UBE2E2: variants seen among roughly 807,000 people sequenced by gnomAD.
UBE2E2 encodes the protein ubiquitin conjugating enzyme E2 E2.
UBE2E2 carries 6 observed loss-of-function variants against 24.7 expected under a neutral mutation model. The observed-to-expected ratio is 0.24, with a 90% CI of 0.13 to 0.48. The LOEUF (loss-of-function observed/expected upper bound fraction) is 0.48. UBE2E2 is among the 20% of genes least tolerant of loss of function. UBE2E2 has a pLI of 0.99. For synonymous variants in UBE2E2, 104 were observed against 83.6 expected (o/e 1.24, Z -1.33); for missense variants, 169 against 245.0 (o/e 0.69, Z 2.07).
intron 3 of UBE2E2, among the ~76,000 whole-genome samples, chr3:23,443,595 A>G (rs548888501): frequency 3.9e-5 from 6 of 152,160 alleles, no homozygotes; most frequent in East Asian, 1.9e-4. Context: ...GGGGAATCCA[A>G]AGCAGCGTCA....
chr3:23,263,112 A>G (rs897613001), intron 3 of UBE2E2, among the ~76,000 whole-genome samples: 8 of 152,200 alleles, frequency 5.3e-5, no homozygotes, highest in African/African-American at 1.9e-4. Context: ...CTTAGCTGAG[A>G]TGGAGAGCAT....
intron 3 of UBE2E2, among the ~76,000 whole-genome samples, chr3:23,454,759 A>G (rs763175045): frequency 6.6e-6 from 1 of 152,186 alleles, no homozygotes; most frequent in Admixed American, 6.5e-5. Flanking sequence ...ATGCCATACT[A>G]TTTTTTGATA....
At chr3:23,385,626 A>G (rs1199584078) in intron 3 of UBE2E2, among the ~76,000 whole-genome samples, 1 of 152,178 alleles carries the variant, frequency 6.6e-6, no homozygotes, top group East Asian at 1.9e-4. Flanking sequence ...GCAGAGCCAA[A>G]TCTCATTTCC....
At chr3:23,509,784 G>A (rs1475343133) in intron 4 of UBE2E2, among the ~76,000 whole-genome samples, 2 of 130,802 alleles carry the variant, frequency 1.5e-5, no homozygotes, top group Non-Finnish European at 3.0e-5. Context: ...GTGTCCAAAT[G>A]TTCTCATTGT....
chr3:23,573,863 G>C (rs1441042729), intron 5 of UBE2E2, among the ~76,000 whole-genome samples: 1 of 151,912 alleles, frequency 6.6e-6, no homozygotes, highest in Non-Finnish European at 1.5e-5. Context: ...CCTTTTTCTT[G>C]AATAGTAACA....
chr3:23,395,039 T>C (rs1397380550), intron 3 of UBE2E2, among the ~76,000 whole-genome samples: 1 of 152,134 alleles, frequency 6.6e-6, no homozygotes, highest in Non-Finnish European at 1.5e-5. Context: ...GAAAGATCAT[T>C]TTCTACTTCT....
At chr3:23,364,473 A>C (rs1042394254) in intron 3 of UBE2E2, among the ~76,000 whole-genome samples, 4 of 152,082 alleles carry the variant, frequency 2.6e-5, no homozygotes, top group African/African-American at 9.7e-5. Flanking sequence ...ATACAAAAAA[A>C]CCCCAGAGAC....
chr3:23,427,004 TTGTTATTAAGTACTTG>T (rs764237752), intron 3 of UBE2E2, among the ~76,000 whole-genome samples: 10 of 152,300 alleles, frequency 6.6e-5, no homozygotes, highest in Non-Finnish European at 1.3e-4. Context: ...TAGTATTATT[TTGTTATTAAGTACTTG>T]TGTTACCTGT....
intron 3 of UBE2E2, among the ~76,000 whole-genome samples, chr3:23,429,542 A>G (rs1698005678): frequency 6.6e-6 from 1 of 152,210 alleles, no homozygotes. Flanking sequence ...TCAGGATCAT[A>G]TCAATAAAGA....
chr3:23,519,170 A>C (rs545790450), intron 4 of UBE2E2, among the ~76,000 whole-genome samples: 3 of 152,148 alleles, frequency 2.0e-5, no homozygotes, highest in Non-Finnish European at 2.9e-5. Context: ...CAAGGGGGTC[A>C]TATATCAAGC....
intron 4 of UBE2E2, among the ~76,000 whole-genome samples, chr3:23,525,205 A>G (rs991340945): frequency 1.1e-4 from 17 of 152,136 alleles, no homozygotes; most frequent in African/African-American, 3.9e-4. Flanking sequence ...GCCCACCTAA[A>G]TAATCCAGGA....
chr3:23,233,336 C>T (rs1447832081), intron 3 of UBE2E2, among the ~76,000 whole-genome samples: 2 of 152,202 alleles, frequency 1.3e-5, no homozygotes, highest in African/African-American at 2.4e-5. Flanking sequence ...TGTAATAGCA[C>T]GGTTCATAAA....
chr3:23,497,474 A>G (rs1436508997), intron 3 of UBE2E2, among the ~76,000 whole-genome samples: 1 of 152,212 alleles, frequency 6.6e-6, no homozygotes, highest in Non-Finnish European at 1.5e-5. Context: ...TGGCTACAAA[A>G]TTATTACAGT....
chr3:23,217,177 G>A (rs533906044), intron 2 of UBE2E2, 85 bp from the exon 3 acceptor site: 3 of 1,225,934 alleles, frequency 2.4e-6, no homozygotes, highest in Admixed American at 3.6e-5. Flanking sequence ...AAAGGGAAAT[G>A]TTATTAAAAT....
Position 23,305,238 on chromosome 3 carries a change from TA to T in UBE2E2, c.227+87931del, listed in dbSNP as rs547118299. ...ATAGTTTGTCCATCATTGTTTCAAT[TA>T]AAAATGGCATTCCATAACAGCTAAT... On this transcript the variant is annotated intron_variant, in intron 3 of 5. Coordinates refer to ENST00000396703, the MANE Select transcript of UBE2E2 (RefSeq NM_152653.4). Among the ~76,000 whole-genome samples the T allele has an allele frequency of 2.3e-3, 355 of 152,336 alleles. 2 individuals carry two copies. The highest frequency in any genetic ancestry group is 8.2e-3 in the African/African-American group (339 of 41,590).
chr3:23,573,500 A>G (rs911989029), intron 5 of UBE2E2, among the ~76,000 whole-genome samples: 8 of 152,216 alleles, frequency 5.3e-5, no homozygotes, highest in African/African-American at 1.9e-4. Context: ...CACTAAATTT[A>G]TTTTGGCTGA....
intron 5 of UBE2E2, among the ~76,000 whole-genome samples, chr3:23,584,902 A>T (rs1696583363): frequency 6.6e-6 from 1 of 152,036 alleles, no homozygotes; most frequent in African/African-American, 2.4e-5. Flanking sequence ...GCTTGCAAAT[A>T]ATAGTGATTG....
chr3:23,242,984 G>A (rs1697296835), intron 3 of UBE2E2, among the ~76,000 whole-genome samples: 1 of 151,984 alleles, frequency 6.6e-6, no homozygotes, highest in Non-Finnish European at 1.5e-5. Flanking sequence ...TACTTGGGAG[G>A]CTGAGGCAGG....
Position 23,589,476 on chromosome 3 carries a change from G to C in UBE2E2, c.509-258G>C. ...GGGAGCAAGGTGAGAAGTATGTGGTGGGTACAGGGAAAGAGAATAAGACTT... is the reference window on the plus strand; with the variant it reads ...GGGAGCAAGGTGAGAAGTATGTGGTCGGTACAGGGAAAGAGAATAAGACTT... On this transcript the variant is annotated intron_variant, in intron 5 of 5. Transcript: ENST00000396703. The surrounding 1 kb of genome is among the most constrained non-coding windows in gnomAD (Gnocchi z 4.1). Among the ~76,000 whole-genome samples, 1 of 151,994 alleles carries C rather than the reference G, an allele frequency of 6.6e-6. No homozygotes were observed.
Sources: allele counts gnomAD v4.1 joint callset (sites outside exome capture counted in the v4.1 genomes callset), GRCh38; gene constraint gnomAD v4.1.1; non-coding constraint Gnocchi (gnomAD v3.1); transcripts MANE v1.5; gene names NCBI Gene and HGNC (gene_info 2026-07-23, HGNC 2026-07-21).